The following MYO15B variants were observed in gnomAD, a reference collection of about 807,000 sequenced individuals.
The protein encoded by MYO15B is myosin XVB.
In MYO15B, 207 loss-of-function variants were observed where a neutral mutation model predicts 119.3. That is an observed-to-expected ratio of 1.73 (90% CI 1.55 to 1.95). The LOEUF (loss-of-function observed/expected upper bound fraction) is 1.95, where lower values mean the gene tolerates loss of function less well. Among genes scored for constraint, MYO15B ranks in the 30% most tolerant of loss-of-function variants. The pLI, the probability that MYO15B is intolerant of heterozygous loss-of-function variation, is 0.00. For missense variants in MYO15B, 2,264 were observed against 1,203.1 expected (o/e 1.88, Z -13.04); for synonymous variants, 966 against 498.9 (o/e 1.94, Z -12.48).
intron 14 of MYO15B, 89 bp downstream of exon 14, chr17:75,596,988 A>AGG (rs2056906607): frequency 3.2e-6 from 2 of 619,292 alleles, no homozygotes; most frequent in Non-Finnish European, 2.9e-6. Context: ...AGCCTCCCAG[A>AGG]GGGGACAAGG....
At chr17:75,624,723 C>T in intron 58 of MYO15B, 48 bp from the exon 59 acceptor site, 1 of 702,468 alleles carries the variant, frequency 1.4e-6, no homozygotes, top group Non-Finnish European at 2.6e-6. Context: ...GGTGGCAGGG[C>T]CGGGTGTGTG....
At chr17:75,615,337 A>C in exon 34 of MYO15B, 1 of 702,010 alleles carries the variant, frequency 1.4e-6, no homozygotes, top group Non-Finnish European at 2.6e-6. Flanking sequence ...CTGCCATGCC[A>C]GGTAAGTCTG....
chr17:75,589,817 A>AG lies in MYO15B; in HGVS notation c.1764dup (p.Cys589ValfsTer35). The stretch of plus-strand genomic sequence containing the variant: ...CGTGCAGGGGTGGGGGGGCACAGTG[A>AG]GGGGTGCAGGACGAGTGGGGAAGGG... On this transcript the variant is annotated frameshift_variant, in exon 1 of 64. Transcript: ENST00000645453. LOFTEE classifies it high-confidence loss of function. The surrounding 1 kb of genome is among the most constrained non-coding windows in gnomAD (Gnocchi z 4.2). The AG allele has an allele frequency of 2.5e-6, 1 of 397,866 alleles. No homozygotes were observed. The highest frequency in any genetic ancestry group is 4.4e-6 in the Non-Finnish European group (1 of 225,788). 24.6% of individuals were successfully genotyped at this position (397,866 alleles called of 1,614,324 possible).
At chr17:75,608,693 G>T (rs776969880) in intron 21 of MYO15B, among the ~76,000 whole-genome samples, 2 of 151,980 alleles carry the variant, frequency 1.3e-5, no homozygotes, top group African/African-American at 4.8e-5. Flanking sequence ...GAGTAGCTGG[G>T]ATTACGGGCA....
exon 19 of MYO15B, chr17:75,603,232 C>T (rs1236995947): frequency 2.8e-6 from 2 of 703,072 alleles, no homozygotes; most frequent in Admixed American, 2.0e-5. Flanking sequence ...AGCAACTGCA[C>T]CAGGCAGCCA....
intron 54 of MYO15B, 24 bp downstream of exon 54, chr17:75,623,878 G>GGT (rs752909379): frequency 0.98 from 690,956 of 702,728 alleles, 340,008 homozygotes; most frequent in East Asian, 1. Flanking sequence ...GGTGGCTTCT[G>GGT]GGGGTGGCTT....
At chr17:75,592,757 T>C (rs1302929666) in exon 9 of MYO15B, 1 of 702,806 alleles carries the variant, frequency 1.4e-6, no homozygotes, top group East Asian at 2.7e-5. Flanking sequence ...GGGGCTCGGC[T>C]TGTGCCCAGA....
At chr17:75,590,312 T>G in intron 1 of MYO15B, 69 bp downstream of exon 1, 1 of 398,948 alleles carries the variant, frequency 2.5e-6, no homozygotes, top group Non-Finnish European at 4.4e-6. Flanking sequence ...TGCCCTCATC[T>G]TTATGAATTG....
chr17:75,621,742 A>G, intron 52 of MYO15B, 172 bp downstream of exon 52: 1 of 603,754 alleles, frequency 1.7e-6, no homozygotes, highest in Non-Finnish European at 3.0e-6. Flanking sequence ...CTCCCACTCA[A>G]GGGTTGTGGG....
chr17:75,608,741 G>T (rs1328475316), intron 21 of MYO15B, among the ~76,000 whole-genome samples: 1 of 144,160 alleles, frequency 6.9e-6, no homozygotes, highest in Non-Finnish European at 1.6e-5. Flanking sequence ...TGTTGTTGTT[G>T]TTTTTCTTTT....
intron 5 of MYO15B, 81 bp from the exon 6 acceptor site, chr17:75,591,896 C>T (rs1370875789): frequency 1.5e-6 from 1 of 678,820 alleles, no homozygotes; most frequent in Non-Finnish European, 2.7e-6. Flanking sequence ...CTGACGCCTC[C>T]CTGGACCTGC....
At chr17:75,625,403 C>G in intron 60 of MYO15B, 124 bp from the exon 61 acceptor site, 1 of 655,540 alleles carries the variant, frequency 1.5e-6, no homozygotes, top group Admixed American at 2.1e-5. Context: ...AGGACCCTCA[C>G]CTCATTCATG....
chr17:75,591,150 G>T, intron 3 of MYO15B, 22 bp from the exon 4 acceptor site: 1 of 702,798 alleles, frequency 1.4e-6, no homozygotes, highest in Non-Finnish European at 2.6e-6. Context: ...CCCATGTCTG[G>T]CAACCTTCTC....
exon 25 of MYO15B, chr17:75,611,964 C>T: frequency 1.4e-6 from 1 of 703,018 alleles, no homozygotes; most frequent in African/African-American, 1.7e-5. Flanking sequence ...CTGACTCTCC[C>T]AGCAGACATT....
intron 19 of MYO15B, 23 bp downstream of exon 19, chr17:75,603,335 A>G (rs2057406844): frequency 1.4e-6 from 1 of 701,990 alleles, no homozygotes; most frequent in South Asian, 1.5e-5. Context: ...ACCTCGGGGC[A>G]GGACTGACAA....
intron 42 of MYO15B, 63 bp downstream of exon 42, chr17:75,617,985 G>A (rs774116449): frequency 1.9e-5 from 13 of 694,074 alleles, no homozygotes; most frequent in Non-Finnish European, 2.9e-5. Flanking sequence ...GGCAGGCTTT[G>A]TGCATCCCAG....
Position 75,619,492 on chromosome 17 carries a change from G to A in MYO15B, c.7182+16G>A, listed in dbSNP as rs922797454. On this transcript the variant is annotated intron_variant, in intron 45 of 63. Transcript: ENST00000645453. ...TCCTGTCTCGGTCAGTGGCGCTGGG[G>A]TAGGGAGTAGGGATGCCAGGCCCCC... 126 of 699,288 alleles carry A rather than the reference G, an allele frequency of 1.8e-4. 1 individual carries two copies. In the Admixed American group the frequency reaches 2.5e-3, roughly 14 times the overall value. 43.3% of individuals were successfully genotyped at this position (699,288 alleles called of 1,614,324 possible). A position where few individuals can be genotyped will look rare whatever the true frequency, so the allele number is the denominator to read the frequency against.
exon 57 of MYO15B, chr17:75,624,385 C>T (rs573563032): frequency 2.0e-4 from 138 of 702,404 alleles, no homozygotes; most frequent in Admixed American, 5.4e-4. Context: ...ACAAGCGATT[C>T]GCCTGCTTCT....
chr17:75,612,478 G>A (rs2058087883), intron 25 of MYO15B, among the ~76,000 whole-genome samples: 1 of 152,072 alleles, frequency 6.6e-6, no homozygotes, highest in South Asian at 2.1e-4. Context: ...TTTGAGACCG[G>A]CCTGGCCAAC....
Sources: allele counts gnomAD v4.1 joint callset (sites outside exome capture counted in the v4.1 genomes callset), GRCh38; gene constraint gnomAD v4.1.1; non-coding constraint Gnocchi (gnomAD v3.1); transcripts MANE v1.5; gene names NCBI Gene and HGNC (gene_info 2026-07-23, HGNC 2026-07-21).